The following CLASP1 variants were observed in gnomAD, a reference collection of about 807,000 sequenced individuals.
CLASP1 encodes CLIP-associating protein 1.
Under a neutral mutation model 192.3 loss-of-function variants are expected in CLASP1, and 38 were observed. The observed-to-expected ratio is 0.20, with a 90% CI of 0.15 to 0.26. CLASP1 has a LOEUF of 0.26. CLASP1 is among the 10% of genes least tolerant of loss of function. The pLI is 1.00. For missense variants in CLASP1, 1,433 were observed against 1,932.5 expected, an observed-to-expected ratio of 0.74 and a Z score of 4.85; for synonymous variants, 691 against 712.8, an observed-to-expected ratio of 0.97 and a Z score of 0.49.
At chr2:121,395,651 A>T (rs2149429953) in intron 30 of CLASP1, among the ~76,000 whole-genome samples, 1 of 152,346 alleles carries the variant, frequency 6.6e-6, no homozygotes. Context: ...CTGAGGATGA[A>T]TCTTATCTTC....
At chr2:121,533,726 T>C (rs993555888) in intron 2 of CLASP1, among the ~76,000 whole-genome samples, 4 of 152,224 alleles carry the variant, frequency 2.6e-5, no homozygotes, top group African/African-American at 4.8e-5. Context: ...ACTCTGACAT[T>C]TTACTTAATT....
At chr2:121,390,758 TA>T (rs1291237908) in intron 30 of CLASP1, among the ~76,000 whole-genome samples, 1 of 152,244 alleles carries the variant, frequency 6.6e-6, no homozygotes, top group Non-Finnish European at 1.5e-5. Flanking sequence ...AACTGCTTCA[TA>T]AAGTCACCAA....
At position 121,360,123 on chromosome 2, in the gene CLASP1, T is replaced by C. The variant is rs182100053; in HGVS notation, c.4206+3049A>G. Among the ~76,000 whole-genome samples the C allele has an allele frequency of 4.7e-4, 72 of 152,302 alleles. 1 individual carries two copies. The East Asian group carries it at 0.012, about 26-fold the overall frequency. On this transcript the variant is annotated intron_variant, in intron 37 of 39. Transcript: ENST00000263710. The stretch of plus-strand genomic sequence containing the variant: ...AGCCACAGTGCACATGCTGGTGTGG[T>C]AACGTCACGCTGGCAAGAGAAGGGC...
intron 8 of CLASP1, chr2:121,490,383 T>G (rs909386213): frequency 4.8e-6 from 2 of 416,534 alleles, no homozygotes; most frequent in Non-Finnish European, 4.8e-6. Flanking sequence ...CCACCCACAC[T>G]TGTTCAGTGT....
At chr2:121,397,400 T>C (rs2075462463) in intron 29 of CLASP1, 117 bp from the exon 31 acceptor site, 2 of 830,828 alleles carry the variant, frequency 2.4e-6, no homozygotes, top group Non-Finnish European at 3.7e-6. Context: ...TCCTTTCTCC[T>C]GTATCGATAG....
exon 32 of CLASP1, chr2:121,387,153 T>C (rs762816865): frequency 1.2e-6 from 2 of 1,613,706 alleles, no homozygotes; most frequent in Non-Finnish European, 1.7e-6. Flanking sequence ...GAACAGTTGG[T>C]GGGTGAGGTC....
rs368604542 is a variant in CLASP1 at position 121,535,316 on chromosome 2, CTTA to C, written c.196-4994_196-4992del. ...AAATTAATTAAATTAAATAACCAGT[CTTA>C]TTATGTCTAAGAAGAAAAAACACAT... On this transcript the variant is annotated intron_variant, in intron 2 of 39. Coordinates refer to ENST00000263710, the Ensembl canonical transcript of CLASP1. 2.6e-5 allele frequency among the ~76,000 whole-genome samples: 4 copies of C among 152,200 alleles called. No homozygotes were observed. The East Asian group carries it at 7.7e-4, about 29-fold the overall frequency.
chr2:121,450,872 G>T, intron 16 of CLASP1, 41 bp downstream of exon 16: 8 of 1,324,316 alleles, frequency 6.0e-6, no homozygotes, highest in Non-Finnish European at 8.7e-6. Flanking sequence ...GTGAAATATA[G>T]AAGAAGTTAA....
chr2:121,497,083 A>T (rs1444359762), intron 8 of CLASP1, among the ~76,000 whole-genome samples: 1 of 152,162 alleles, frequency 6.6e-6, no homozygotes, highest in African/African-American at 2.4e-5. Flanking sequence ...GGGGAGGGGG[A>T]AGAGTAAAGT....
intron 2 of CLASP1, among the ~76,000 whole-genome samples, chr2:121,570,298 A>C (rs940152314): frequency 1.3e-5 from 2 of 152,238 alleles, no homozygotes; most frequent in East Asian, 3.8e-4. Flanking sequence ...GGGAGGAAGA[A>C]GTATGACCAA....
chr2:121,589,779 T>C (rs993922725), intron 2 of CLASP1, among the ~76,000 whole-genome samples: 8 of 152,060 alleles, frequency 5.3e-5, no homozygotes, highest in African/African-American at 1.9e-4. Context: ...AGAAATAGAT[T>C]TTGATGTTTT....
chr2:121,500,529 AAG>A (rs1198526251), intron 8 of CLASP1, among the ~76,000 whole-genome samples: 7 of 152,042 alleles, frequency 4.6e-5, no homozygotes, highest in African/African-American at 9.7e-5. Flanking sequence ...AAAGAAAAGA[AAG>A]AGAAAATTAG....
chr2:121,342,990 T>C (rs1347841842), intron 39 of CLASP1, among the ~76,000 whole-genome samples: 2 of 152,160 alleles, frequency 1.3e-5, no homozygotes, highest in Non-Finnish European at 2.9e-5. Context: ...TTGGAGCTTC[T>C]GGCCTCAAGT....
intron 6 of CLASP1, 67 bp from the exon 7 acceptor site, chr2:121,515,829 A>C: frequency 7.8e-7 from 1 of 1,278,376 alleles, no homozygotes; most frequent in South Asian, 1.2e-5. Context: ...GCTGGGACAC[A>C]ACAGGCCATA....
At chr2:121,424,957 C>A (rs976841854) in intron 22 of CLASP1, among the ~76,000 whole-genome samples, 182 bp downstream of exon 22, 2 of 152,112 alleles carry the variant, frequency 1.3e-5, no homozygotes, top group Non-Finnish European at 2.9e-5. Flanking sequence ...GGGTTAAGTC[C>A]CATATATTTT....
chr2:121,579,661 A>C (rs1277621744), intron 2 of CLASP1, among the ~76,000 whole-genome samples: 1 of 152,220 alleles, frequency 6.6e-6, no homozygotes, highest in Admixed American at 6.5e-5. Context: ...ACCATTATGC[A>C]TTGAGGAAGA....
At chr2:121,352,141 C>T (rs1335048101) in intron 37 of CLASP1, among the ~76,000 whole-genome samples, 1 of 152,166 alleles carries the variant, frequency 6.6e-6, no homozygotes, top group African/African-American at 2.4e-5. Flanking sequence ...TTGTGGGTGG[C>T]CAGGATTAGA....
chr2:121,354,112 A>T (rs1206196222), intron 37 of CLASP1, among the ~76,000 whole-genome samples: 1 of 152,142 alleles, frequency 6.6e-6, no homozygotes, highest in Non-Finnish European at 1.5e-5. Context: ...ATGACTCACA[A>T]AGTCACATCT....
At chr2:121,417,346 A>G (rs1169703126) in intron 23 of CLASP1, among the ~76,000 whole-genome samples, 6 of 152,188 alleles carry the variant, frequency 3.9e-5, no homozygotes, top group African/African-American at 9.7e-5. Context: ...AATAACCAAT[A>G]AAGGATTGAA....
Sources: allele counts gnomAD v4.1 joint callset (sites outside exome capture counted in the v4.1 genomes callset), GRCh38; gene constraint gnomAD v4.1.1; transcripts MANE v1.5; gene names NCBI Gene and HGNC (gene_info 2026-07-23, HGNC 2026-07-21).